Variants in CHRM3 observed in about 807,000 individuals in gnomAD.
The protein encoded by CHRM3 is muscarinic acetylcholine receptor M3.
Under a neutral mutation model 41.8 loss-of-function variants are expected in CHRM3, and 11 were observed. That is an observed-to-expected ratio of 0.26 (90% CI 0.17 to 0.44). The LOEUF (loss-of-function observed/expected upper bound fraction) is 0.44. Ranked by LOEUF, CHRM3 falls within the 20% of genes least tolerant of loss-of-function variation. The pLI, the probability that CHRM3 is intolerant of heterozygous loss-of-function variation, is 1.00. For missense variants in CHRM3, 571 were observed against 745.4 expected (o/e 0.77, Z 2.72); for synonymous variants, 297 against 301.4 (o/e 0.99, Z 0.15).
At chr1:239,656,369 C>A (rs1192417367) in intron 4 of CHRM3, among the ~76,000 whole-genome samples, 1 of 151,458 alleles carries the variant, frequency 6.6e-6, no homozygotes, top group Non-Finnish European at 1.5e-5. Context: ...TGCCTGCAAT[C>A]CCAACACTTT....
intron 5 of CHRM3, among the ~76,000 whole-genome samples, chr1:239,722,088 C>T (rs190736082): frequency 6.6e-6 from 1 of 152,020 alleles, no homozygotes; most frequent in East Asian, 1.9e-4. Context: ...ACAACACAAC[C>T]TATTTGATCT....
At chr1:239,619,574 G>A (rs1313636832) in intron 3 of CHRM3, among the ~76,000 whole-genome samples, 1 of 152,192 alleles carries the variant, frequency 6.6e-6, no homozygotes, top group Admixed American at 6.5e-5. Flanking sequence ...CAATTATGGA[G>A]AGATATTGGA....
chr1:239,608,555 C>G (rs1666625552), intron 3 of CHRM3, among the ~76,000 whole-genome samples: 1 of 152,230 alleles, frequency 6.6e-6, no homozygotes, highest in African/African-American at 2.4e-5. Flanking sequence ...AGTGCCATAG[C>G]TACAATTGTC....
chr1:239,881,239 C>CGT (rs1156614347), intron 6 of CHRM3, among the ~76,000 whole-genome samples: 5 of 135,764 alleles, frequency 3.7e-5, no homozygotes, highest in Admixed American at 8.0e-5. Context: ...GCCGAGATCC[C>CGT]GCCCCTGCAC....
intron 5 of CHRM3, among the ~76,000 whole-genome samples, chr1:239,729,993 T>G (rs964350424): frequency 6.6e-6 from 1 of 151,954 alleles, no homozygotes; most frequent in Non-Finnish European, 1.5e-5. Context: ...CCAAAACAAC[T>G]ATCTTTGAAC....
At chr1:239,556,552 C>T (rs1235934996) in intron 3 of CHRM3, among the ~76,000 whole-genome samples, 2 of 152,026 alleles carry the variant, frequency 1.3e-5, no homozygotes, top group East Asian at 1.9e-4. Flanking sequence ...TGGGTTTCTA[C>T]CCAAAGTACT....
intron 3 of CHRM3, among the ~76,000 whole-genome samples, chr1:239,620,651 T>C (rs1264668509): frequency 2.0e-5 from 3 of 152,054 alleles, no homozygotes; most frequent in South Asian, 4.1e-4. Context: ...ATTTTAGGAA[T>C]ATAGAACTAA....
chr1:239,709,389 A>G (rs907000179), intron 5 of CHRM3, among the ~76,000 whole-genome samples: 9 of 152,208 alleles, frequency 5.9e-5, no homozygotes, highest in Admixed American at 5.2e-4. Flanking sequence ...ACTCTTGACA[A>G]TCACTCATTG....
intron 6 of CHRM3, among the ~76,000 whole-genome samples, chr1:239,881,109 C>T (rs1572577899): frequency 6.6e-6 from 1 of 151,710 alleles, no homozygotes; most frequent in African/African-American, 2.4e-5. Context: ...CGGTGAAACC[C>T]CGTCTCTACA....
Position 239,603,198 on chromosome 1 carries a change from T to C in CHRM3, c.-312-29026T>C, listed in dbSNP as rs183335020. Reference sequence around the variant, plus strand: ...AGTATGTGTCAGTTCCTTATCACAATAGGATAATAGGTTTTGTTTTTTGTA... The same window carrying C: ...AGTATGTGTCAGTTCCTTATCACAACAGGATAATAGGTTTTGTTTTTTGTA... On this transcript the variant is annotated intron_variant, in intron 3 of 6. Coordinates refer to ENST00000676153, the MANE Select transcript of CHRM3 (RefSeq NM_001375978.1). Among the ~76,000 whole-genome samples the C allele has an allele frequency of 1.6e-3, 241 of 152,312 alleles. 1 individual carries two copies. Among genetic ancestry groups the C allele is most frequent in the African/African-American group, 1.9e-3 (81 of 41,578 alleles).
At position 239,580,769 on chromosome 1, in the gene CHRM3, A is replaced by AAT. The variant is rs536921086; in HGVS notation, c.-313+35032_-313+35033dup. On this transcript the variant is annotated intron_variant, in intron 3 of 6. Transcript: ENST00000676153. ...TATATACAGTGTGTGTATATATGTA[A>AAT]ATATATATATATAAATACATTATAT... Among the ~76,000 whole-genome samples the AAT allele has an allele frequency of 7.3e-4, 104 of 142,528 alleles. 1 individual carries two copies. The highest frequency in any genetic ancestry group is 4.2e-3 in the East Asian group (21 of 4,956). 93.5% of individuals were successfully genotyped at this position (142,528 alleles called of 152,430 possible).
intron 1 of CHRM3, among the ~76,000 whole-genome samples, chr1:239,412,274 T>C (rs1420198383): frequency 9.1e-6 from 1 of 109,766 alleles, no homozygotes; most frequent in South Asian, 3.4e-4. Context: ...ATTTTCTCTC[T>C]TCCTTCCTCT....
chr1:239,813,916 C>CAAAAAAAAA (rs67147618), intron 5 of CHRM3, among the ~76,000 whole-genome samples: 115 of 103,190 alleles, frequency 1.1e-3, no homozygotes, highest in East Asian at 1.5e-3. Context: ...GACTCCGTCT[C>CAAAAAAAAA]AAAAAAAAAA....
At chr1:239,668,031 C>A (rs1673982817) in intron 4 of CHRM3, among the ~76,000 whole-genome samples, 1 of 140,748 alleles carries the variant, frequency 7.1e-6, no homozygotes, top group South Asian at 2.4e-4. Flanking sequence ...TAAAAGTGTT[C>A]TCTTTTTTTT....
chr1:239,632,844 A>C (rs1669996087), intron 4 of CHRM3, among the ~76,000 whole-genome samples: 1 of 152,238 alleles, frequency 6.6e-6, no homozygotes. Flanking sequence ...TCATACAGCT[A>C]TAAAAACACT....
intron 1 of CHRM3, among the ~76,000 whole-genome samples, chr1:239,465,745 C>T (rs757637407): frequency 4.6e-5 from 7 of 152,094 alleles, no homozygotes; most frequent in Non-Finnish European, 7.4e-5. Flanking sequence ...AGCCTCCAGT[C>T]GACCCTTGAA....
intron 5 of CHRM3, among the ~76,000 whole-genome samples, chr1:239,814,536 C>A (rs538524852): frequency 2.6e-5 from 4 of 152,162 alleles, no homozygotes; most frequent in African/African-American, 9.7e-5. Flanking sequence ...AACTGTCATG[C>A]GTACCTGCCT....
In CHRM3 at chr1:239,914,892, G is replaced by T. The variant is rs960129002; in HGVS notation, c.*5668G>T. The T allele has an allele frequency of 6.0e-6, 1 of 166,944 alleles. No homozygotes were observed. Among genetic ancestry groups the T allele is most frequent in the Non-Finnish European group, 1.5e-5 (1 of 68,132 alleles). The allele number at this position is 166,944 out of a possible 1,614,324, so 10.3% of individuals were successfully genotyped here. On this transcript the variant is annotated 3_prime_UTR_variant, in exon 7 of 7. Transcript: ENST00000676153. ...TAGCCATTCCTCATCCAGTACATGGGCATTTCCAGCCTCCTACATGTAACA... is the reference window on the plus strand; with the variant it reads ...TAGCCATTCCTCATCCAGTACATGGTCATTTCCAGCCTCCTACATGTAACA...
intron 2 of CHRM3, among the ~76,000 whole-genome samples, chr1:239,508,543 T>G (rs1463479198): frequency 6.6e-6 from 1 of 152,230 alleles, no homozygotes; most frequent in Non-Finnish European, 1.5e-5. Context: ...GTCTTTGGTC[T>G]TTAATCTCTT....
Sources: gnomAD v4.1 joint callset for allele counts (sites outside exome capture counted in the v4.1 genomes callset) on GRCh38, gnomAD v4.1.1 for gene constraint, MANE v1.5 for transcripts, NCBI Gene and HGNC (gene_info 2026-07-23, HGNC 2026-07-21) for gene names.